The following HIPK2 variants were observed in gnomAD, a reference collection of about 807,000 sequenced individuals.
HIPK2 encodes the protein homeodomain-interacting protein kinase 2.
HIPK2 carries 27 observed loss-of-function variants against 113.7 expected under a neutral mutation model. The observed-to-expected ratio is 0.24, with a 90% CI of 0.17 to 0.33. The LOEUF (loss-of-function observed/expected upper bound fraction) is 0.33, where lower values mean the gene tolerates loss of function less well. HIPK2 is among the 10% of genes least tolerant of loss of function. HIPK2 has a pLI of 1.00. For missense variants in HIPK2, 1,257 were observed against 1,588.0 expected, an observed-to-expected ratio of 0.79 and a Z score of 3.54; for synonymous variants, 631 against 642.2, an observed-to-expected ratio of 0.98 and a Z score of 0.26.
intron 1 of HIPK2, among the ~76,000 whole-genome samples, chr7:139,763,472 G>GCCCCCCCCCCC (rs547691856): frequency 5.0e-5 from 5 of 100,790 alleles, no homozygotes; most frequent in Admixed American, 2.1e-4. Flanking sequence ...GCCGGAACAC[G>GCCCCCCCCCCC]CCCCCCCCCC....
At chr7:139,575,656 G>GAA (rs1489425435) in intron 13 of HIPK2, among the ~76,000 whole-genome samples, 2 of 152,250 alleles carry the variant, frequency 1.3e-5, no homozygotes, top group Non-Finnish European at 2.9e-5. Flanking sequence ...GCTATAATTT[G>GAA]AATGTGTTCC....
chr7:139,621,765 A>T lies in HIPK2; in HGVS notation c.1620-1202T>A, dbSNP rs527510819. On this transcript the variant is annotated intron_variant, in intron 6 of 14. Transcript: ENST00000406875. ...GGAGATCCTATTCTCTACAAAAAAA[A>T]TATAAAAATTAGCTGGCTGTGGTGG... Among the ~76,000 whole-genome samples the T allele has an allele frequency of 2.6e-5, 4 of 152,124 alleles. No individual in the cohort carries two copies. The East Asian group carries it at 7.7e-4, about 29-fold the overall frequency.
chr7:139,763,377 T>C lies in HIPK2; in HGVS notation c.19+14228A>G, dbSNP rs1486934032. Among the ~76,000 whole-genome samples, 7 of 152,056 alleles carry C rather than the reference T, an allele frequency of 4.6e-5. No individual in the cohort carries two copies. The East Asian group carries it at 1.4e-3, about 29-fold the overall frequency. On this transcript the variant is annotated intron_variant, in intron 1 of 14. Transcript: ENST00000406875. ...GGAAGCCAGTCCAGATGAGACATTATGGTGGCTTAGGCTAGCTACAGGGAT... is the reference window on the plus strand; with the variant it reads ...GGAAGCCAGTCCAGATGAGACATTACGGTGGCTTAGGCTAGCTACAGGGAT...
At chr7:139,666,684 C>T (rs1166812864) in intron 2 of HIPK2, among the ~76,000 whole-genome samples, 3 of 152,150 alleles carry the variant, frequency 2.0e-5, no homozygotes, top group African/African-American at 7.2e-5. Flanking sequence ...GCCTTCTAGT[C>T]CTCCATAAAG....
intron 2 of HIPK2, among the ~76,000 whole-genome samples, chr7:139,713,184 A>T (rs1042431107): frequency 2.6e-5 from 4 of 152,082 alleles, no homozygotes; most frequent in Non-Finnish European, 5.9e-5. Flanking sequence ...AGGGCTCCTG[A>T]GGGCCCAGGA....
rs922954814 is a variant in HIPK2, at chr7:139,570,103, A to G, written c.*2824T>C. ...TCTTTCCCCCTAAAAGATCAGATCT[A>G]GAAAGGGCTGGAAATGAACTGTGCC... On this transcript the variant is annotated 3_prime_UTR_variant, in exon 15 of 15. Coordinates refer to ENST00000406875, the MANE Select transcript of HIPK2 (RefSeq NM_022740.5). The G allele has an allele frequency of 3.9e-5, 6 of 152,158 alleles. No individual in the cohort carries two copies. Among genetic ancestry groups the G allele is most frequent in the Non-Finnish European group, 5.9e-5 (4 of 68,024 alleles). 9.4% of individuals were successfully genotyped at this position (152,158 alleles called of 1,614,324 possible).
chr7:139,597,229 G>C (rs765377425), intron 11 of HIPK2, among the ~76,000 whole-genome samples: 4 of 152,218 alleles, frequency 2.6e-5, no homozygotes, highest in African/African-American at 9.6e-5. Flanking sequence ...GCAGGACAAA[G>C]GGAGCAGCCA....
chr7:139,617,075 G>A lies in HIPK2; in HGVS notation c.1783-2582C>T, dbSNP rs553280850. ...AGTTTCGAACCCTGCTTAAGGACCA[G>A]TTGAAGAAGCCCATGTGAGGGCAAC... On this transcript the variant is annotated intron_variant, in intron 7 of 14. Coordinates refer to ENST00000406875, the MANE Select transcript of HIPK2 (RefSeq NM_022740.5). Among the ~76,000 whole-genome samples, 3 of 152,344 alleles carry A rather than the reference G, an allele frequency of 2.0e-5. No homozygotes were observed. The East Asian group carries it at 5.8e-4, about 29-fold the overall frequency.
intron 1 of HIPK2, among the ~76,000 whole-genome samples, chr7:139,753,996 G>C (rs918026986): frequency 6.6e-6 from 1 of 152,234 alleles, no homozygotes; most frequent in Non-Finnish European, 1.5e-5. Flanking sequence ...CCCTGCCTGT[G>C]GGGCTTCCAC....
At position 139,716,844 on chromosome 7, in the gene HIPK2, G is replaced by T. The variant is rs755030266; in HGVS notation, c.191C>A (p.Thr64Asn). 4 of 1,613,924 alleles carry T rather than the reference G, an allele frequency of 2.5e-6. No individual in the cohort carries two copies. The Admixed American group carries it at 5.0e-5, about 20-fold the overall frequency. ...SKNIPLSQPA[T>N]TTVSTSLPVP... ...CGGCAAGGAGGTGCTGACGGTTGTG[G>T]TGGCTGGCTGCGACAGGGGGATGTT... The change falls in exon 2 of 15, where the codon ACC (threonine) becomes AAC (asparagine). Residue 64 changes from threonine to asparagine, a missense_variant. Transcript: ENST00000406875. This position sits in a 1 kb window ranked among gnomAD's most constrained non-coding sequence, Gnocchi z 9.3.
chr7:139,573,252 G>T lies in HIPK2; in HGVS notation c.3272C>A (p.Ala1091Asp). ...GTVHPHLAAAAAAAHLPTQPH... is the reference protein window; with the variant it reads ...GTVHPHLAAADAAAHLPTQPH... ...CTGGGTGGGGAGGTGGGCAGCGGCAGCGGCTGCAGCCAGATGCGGGTGCAC... is the reference window on the plus strand; with the variant it reads ...CTGGGTGGGGAGGTGGGCAGCGGCATCGGCTGCAGCCAGATGCGGGTGCAC... Residue 1091 changes from alanine (A) to aspartate (D), a missense_variant, in exon 15 of 15, where the codon GCT becomes GAT. Ala to Asp is a moderately radical substitution (Grantham distance 126). Transcript: ENST00000406875. 2 of 1,604,460 alleles carry T rather than the reference G, an allele frequency of 1.2e-6. No individual in the cohort carries two copies.
At position 139,572,548 on chromosome 7, in the gene HIPK2, CTCTCT is replaced by C. The variant is rs1410768560; in HGVS notation, c.*374_*378del. 2 of 177,308 alleles carry C rather than the reference CTCTCT, an allele frequency of 1.1e-5. No individual in the cohort carries two copies. The highest frequency in any genetic ancestry group is 2.3e-5 in the Non-Finnish European group (2 of 85,424). 11.0% of individuals were successfully genotyped at this position (177,308 alleles called of 1,614,324 possible). A position where few individuals can be genotyped will look rare whatever the true frequency, so the allele number is the denominator to read the frequency against. On this transcript the variant is annotated 3_prime_UTR_variant, in exon 15 of 15. Transcript: ENST00000406875. Reference sequence around the variant, plus strand: ...CCCCGTTTCTGGAATCTTCCTGTTGCTCTCTTCTCCTTTCCAGTTTGGCGTAGAAT... The same window carrying C: ...CCCCGTTTCTGGAATCTTCCTGTTGCTCTCCTTTCCAGTTTGGCGTAGAAT...
chr7:139,751,953 G>A (rs1051545742), intron 1 of HIPK2, among the ~76,000 whole-genome samples: 1 of 152,126 alleles, frequency 6.6e-6, no homozygotes, highest in Admixed American at 6.5e-5. Flanking sequence ...GGGAAGAAGA[G>A]AGAAAGGGAA....
intron 2 of HIPK2, among the ~76,000 whole-genome samples, chr7:139,632,890 C>T (rs139246738): frequency 2.0e-5 from 3 of 151,816 alleles, no homozygotes; most frequent in Non-Finnish European, 4.4e-5. Flanking sequence ...GCAGCCTGGG[C>T]AACATGGCAA....
At chr7:139,731,310 A>G (rs1055981311) in intron 1 of HIPK2, among the ~76,000 whole-genome samples, 2 of 152,206 alleles carry the variant, frequency 1.3e-5, no homozygotes, top group Admixed American at 1.3e-4. Flanking sequence ...CCCACGTTTT[A>G]GTCTTAATTC....
chr7:139,767,763 T>C (rs1569486124), intron 1 of HIPK2, among the ~76,000 whole-genome samples: 1 of 152,210 alleles, frequency 6.6e-6, no homozygotes, highest in Non-Finnish European at 1.5e-5. Flanking sequence ...CCACCAGCCA[T>C]ATAAACAGGA....
At chr7:139,645,218 C>A (rs1801165984) in intron 2 of HIPK2, among the ~76,000 whole-genome samples, 1 of 152,178 alleles carries the variant, frequency 6.6e-6, no homozygotes. Context: ...TTCCTTACAG[C>A]ACCATCTGAT....
At position 139,561,905 on chromosome 7, in the gene HIPK2, C is replaced by T. The variant is rs931974149; in HGVS notation, c.*11022G>A. 1.1e-4 allele frequency: 16 copies of T among 151,968 alleles called. No individual in the cohort carries two copies. Among genetic ancestry groups the T allele is most frequent in the East Asian group, 1.9e-4 (1 of 5,192 alleles). 9.4% of individuals were successfully genotyped at this position (151,968 alleles called of 1,614,324 possible). ...ATAAATTCACTCCATTTTTCTACAA[C>T]GAAAATGATTAATTTAGAAGCACAC... On this transcript the variant is annotated 3_prime_UTR_variant, in exon 15 of 15. Transcript: ENST00000406875.
chr7:139,576,741 G>A (rs1798505429), intron 13 of HIPK2, among the ~76,000 whole-genome samples: 1 of 152,244 alleles, frequency 6.6e-6, no homozygotes, highest in Non-Finnish European at 1.5e-5. Context: ...GACGCTGACA[G>A]TCAGGGACAG....
Sources: allele counts gnomAD v4.1 joint callset (sites outside exome capture counted in the v4.1 genomes callset), GRCh38; gene constraint gnomAD v4.1.1; non-coding constraint Gnocchi (gnomAD v3.1); transcripts MANE v1.5; gene names NCBI Gene and HGNC (gene_info 2026-07-23, HGNC 2026-07-21).